PRAM1: variants seen among roughly 807,000 people sequenced by gnomAD.
The protein encoded by PRAM1 is PML-RARA-regulated adapter molecule 1.
Under a neutral mutation model 55.3 loss-of-function variants are expected in PRAM1, and 41 were observed. The ratio of observed to expected loss-of-function variants is 0.74; its 90% CI spans 0.58 to 0.96. PRAM1 has a LOEUF of 0.96. Among genes scored for constraint, PRAM1 ranks in the 40% least tolerant of loss-of-function variants. The pLI, the probability that PRAM1 is intolerant of heterozygous loss-of-function variation, is 0.00. For missense variants in PRAM1, 898 were observed against 892.7 expected (o/e 1.01, Z -0.08); for synonymous variants, 401 against 387.1 (o/e 1.04, Z -0.42).
rs1472346901 is a variant in PRAM1, at chr19:8,490,112, T to G, written c.*77A>C. 4 of 1,402,448 alleles carry G rather than the reference T, an allele frequency of 2.9e-6. No homozygotes were observed. The South Asian group carries it at 5.8e-5, about 20-fold the overall frequency. The allele number at this position is 1,402,448 out of a possible 1,614,324, so 86.9% of individuals were successfully genotyped here. A position where few individuals can be genotyped will look rare whatever the true frequency, so the allele number is the denominator to read the frequency against. On this transcript the variant is annotated 3_prime_UTR_variant, in exon 10 of 10. Coordinates refer to ENST00000423345, the MANE Select transcript of PRAM1 (RefSeq NM_032152.5). The surrounding 1 kb of genome is among the most constrained non-coding windows in gnomAD (Gnocchi z 7.3). ...ACAAGCCCAGGCAGCTCTGTGACTT[T>G]CCCGCGCCGGGATCCAGGGCTCCTG...
rs1212576390 is a variant in PRAM1 at position 8,490,283 on chromosome 19, A to G, written c.1975+55T>C. On this transcript the variant is annotated intron_variant, in intron 9 of 9. Coordinates refer to ENST00000423345, the MANE Select transcript of PRAM1 (RefSeq NM_032152.5). The surrounding 1 kb of genome is among the most constrained non-coding windows in gnomAD (Gnocchi z 7.3). ...TCTCCCCAGAAGCCCAATAGTGAGC[A>G]GCGCCCCCGGGGAATCGCCAGGGTC... 1 of 1,613,572 alleles carries G rather than the reference A, an allele frequency of 6.2e-7. No homozygotes were observed. Among genetic ancestry groups the G allele is most frequent in the Non-Finnish European group, 8.5e-7 (1 of 1,179,704 alleles).
At position 8,491,038 on chromosome 19, in the gene PRAM1, G is replaced by A. The variant is rs777626234; in HGVS notation, c.1635-43C>T. ...GGAATTGTGTGCTCGTGAGCAAGTT[G>A]TGCTCCTCTGGGGGTTCCTGGAGCT... On this transcript the variant is annotated intron_variant, in intron 5 of 9. Transcript: ENST00000423345. The A allele has an allele frequency of 5.6e-6, 9 of 1,612,106 alleles. No homozygotes were observed. The Admixed American group carries it at 1.5e-4, about 27-fold the overall frequency.
At chr19:8,502,457 ACCCCCCGCCCCCCCGCCCGCCCCT>A in intron 1 of PRAM1, 84 bp downstream of exon 1, 2 of 469,352 alleles carry the variant, frequency 4.3e-6, no homozygotes, top group East Asian at 1.0e-4. Context: ...TTTCGCAGCC[ACCCCCCGCCCCCCCGCCCGCCCCT>A]CCACAGGTGG....
chr19:8,500,847 T>C (rs56727053), intron 1 of PRAM1, among the ~76,000 whole-genome samples: 6,978 of 151,990 alleles, frequency 0.046, 551 homozygotes, highest in African/African-American at 0.16. Flanking sequence ...CTCACTGCAA[T>C]CTCCACTTCC....
chr19:8,499,292 TTCG>T lies in PRAM1; in HGVS notation c.513_515del (p.Asp171del). 2 of 1,608,340 alleles carry T rather than the reference TTCG, an allele frequency of 1.2e-6. No individual in the cohort carries two copies. The highest frequency in any genetic ancestry group is 2.2e-5 in the South Asian group (2 of 90,826). ...AGGGGGGTCTGGCGGGGTGACTGAG[TTCG>T]TCGGGCTGCAGGGGTTTCCGGGCCG... On this transcript the variant is annotated inframe_deletion, in exon 2 of 10. Transcript: ENST00000423345.
intron 4 of PRAM1, among the ~76,000 whole-genome samples, chr19:8,492,286 C>T (rs560371004): frequency 1.3e-4 from 19 of 143,184 alleles, no homozygotes; most frequent in Admixed American, 7.9e-4. Context: ...GACGGAGTTT[C>T]ATTCTTGTTG....
Position 8,499,195 on chromosome 19 carries a change from G to A in PRAM1, c.613C>T (p.Pro205Ser), listed in dbSNP as rs1463930197. The part of the protein sequence containing the change: ...PEAGEATPRS[P>S]QPELSTFPKK... Reference sequence around the variant, plus strand: ...GGAAAGGTACTCAACTCAGGCTGCGGGGACCTCGGGGTAGCCTCACCGGCC... The same window carrying A: ...GGAAAGGTACTCAACTCAGGCTGCGAGGACCTCGGGGTAGCCTCACCGGCC... The change falls in exon 2 of 10, where the codon CCG becomes TCG. Residue 205 changes from proline to serine, a missense_variant. By Grantham distance (74) the Pro-to-Ser change is moderately conservative. Coordinates refer to ENST00000423345, the MANE Select transcript of PRAM1 (RefSeq NM_032152.5). The A allele has an allele frequency of 6.2e-7, 1 of 1,613,716 alleles. No homozygotes were observed. The highest frequency in any genetic ancestry group is 8.5e-7 in the Non-Finnish European group (1 of 1,179,868).
chr19:8,490,345 G>A lies in PRAM1; in HGVS notation c.1968C>T (p.Asp656=). The A allele has an allele frequency of 2.5e-6, 4 of 1,614,002 alleles. No homozygotes were observed. The highest frequency in any genetic ancestry group is 3.4e-6 in the Non-Finnish European group (4 of 1,179,900). ...CCCAGAGTGTCCACGTACCGCAGAA[G>A]TCGACATCATCGTACACCTCCGTCT... ...PLETEVYDDV[D]FCDPLENQPL... Residue 656 remains aspartate, a synonymous_variant, in exon 9 of 10, where the codon GAC becomes GAT. Coordinates refer to ENST00000423345, the MANE Select transcript of PRAM1 (RefSeq NM_032152.5). The surrounding 1 kb of genome is among the most constrained non-coding windows in gnomAD (Gnocchi z 7.3).
At position 8,499,302 on chromosome 19, in the gene PRAM1, T is replaced by C; in HGVS notation, c.506A>G (p.Gln169Arg). 1 of 1,610,272 alleles carries C rather than the reference T, an allele frequency of 6.2e-7. No individual in the cohort carries two copies. The highest frequency in any genetic ancestry group is 8.5e-7 in the Non-Finnish European group (1 of 1,178,438). The change falls in exon 2 of 10, where the codon CAG (glutamine) becomes CGG (arginine). Residue 169 changes from glutamine (Q) to arginine (R), a missense_variant. Gln to Arg is a conservative substitution (Grantham distance 43). This residue lies in a region of PRAM1 where 787 missense variants were observed against 735.4 expected (regional missense o/e 1.07). Transcript: ENST00000423345. ...EPGAPARKPL[Q>R]PDELSHPARP... ...GGCGGGGTGACTGAGTTCGTCGGGC[T>C]GCAGGGGTTTCCGGGCCGGCGCACC... is the stretch of plus-strand genomic sequence containing the variant.
intron 4 of PRAM1, among the ~76,000 whole-genome samples, chr19:8,496,484 G>A (rs1279746311): frequency 6.6e-6 from 1 of 152,062 alleles, no homozygotes; most frequent in Non-Finnish European, 1.5e-5. Context: ...CAGCACTTGT[G>A]GAGGCTAAGG....
rs545511903 is a variant in PRAM1 at position 8,490,913 on chromosome 19, C to T, written c.1717G>A (p.Glu573Lys). 2.4e-5 allele frequency: 38 copies of T among 1,613,696 alleles called. No homozygotes were observed. The highest frequency in any genetic ancestry group is 1.8e-4 in the South Asian group (16 of 91,086). The part of the protein sequence containing the change: ...LKQLRKAEKA[E>K]REFRKKFKFE... ...TTGAACTTCTTCCGGAACTCCCTCT[C>T]GGCCTTCTCTGCCTTCCTCAGCTGC... The change falls in exon 6 of 10, where the codon GAG (glutamate) becomes AAG (lysine). Residue 573 changes from glutamate to lysine, a missense_variant. By Grantham distance (56) the Glu-to-Lys change is moderately conservative. This residue lies in a region of PRAM1 where 787 missense variants were observed against 735.4 expected (regional missense o/e 1.07). Coordinates refer to ENST00000423345, the MANE Select transcript of PRAM1 (RefSeq NM_032152.5). This position sits in a 1 kb window ranked among gnomAD's most constrained non-coding sequence, Gnocchi z 7.3.
At position 8,499,611 on chromosome 19, in the gene PRAM1, GC is replaced by G. The variant is rs1971775267; in HGVS notation, c.196del (p.Ala66GlnfsTer4). 5 of 1,600,158 alleles carry G rather than the reference GC, an allele frequency of 3.1e-6. No homozygotes were observed. The highest frequency in any genetic ancestry group is 3.0e-5 in the African/African-American group (2 of 66,858). On this transcript the variant is annotated frameshift_variant, in exon 2 of 10. Transcript: ENST00000423345. LOFTEE classifies it high-confidence loss of function. ...PKKAPLPEFG[A>X]VSLKPPPPEV... ...AGGCGGCGGGGGCTTCAAGGACACT[GC>G]ACCAAACTCAGGCAGCGGGGCCTTC...
At chr19:8,498,091 G>T in intron 3 of PRAM1, 132 bp downstream of exon 3, 1 of 976,194 alleles carries the variant, frequency 1.0e-6, no homozygotes, top group Non-Finnish European at 1.5e-6. Flanking sequence ...CGTTGGCCAG[G>T]CTGTTGTCGA....
intron 4 of PRAM1, among the ~76,000 whole-genome samples, chr19:8,492,304 T>C (rs1184708648): frequency 6.7e-6 from 1 of 148,200 alleles, no homozygotes; most frequent in Non-Finnish European, 1.5e-5. Flanking sequence ...TTGCCCAGGC[T>C]GGAGTGCAAT....
At chr19:8,491,046 C>A (rs1254370651) in intron 5 of PRAM1, 51 bp from the exon 6 acceptor site, 26 of 1,611,868 alleles carry the variant, frequency 1.6e-5, no homozygotes, top group Non-Finnish European at 2.1e-5. Context: ...TTGTGCTCCT[C>A]TGGGGGTTCC....
At chr19:8,502,382 G>C (rs1356284583) in intron 1 of PRAM1, among the ~76,000 whole-genome samples, 183 bp downstream of exon 1, 1 of 152,074 alleles carries the variant, frequency 6.6e-6, no homozygotes, top group African/African-American at 2.4e-5. Context: ...GCGCTGTCCT[G>C]GGGTGTGCCT....
rs764450830 is a variant in PRAM1, at chr19:8,490,690, C to T, written c.1810G>A (p.Gly604Ser). 10 of 1,606,624 alleles carry T rather than the reference C, an allele frequency of 6.2e-6. No homozygotes were observed. Among genetic ancestry groups the T allele is most frequent in the South Asian group, 1.1e-5 (1 of 90,126 alleles). Residue 604 changes from glycine (G) to serine (S), a missense_variant, in exon 7 of 10, where the codon GGT (glycine) becomes AGT (serine). Transcript: ENST00000423345. The surrounding 1 kb of genome is among the most constrained non-coding windows in gnomAD (Gnocchi z 7.3). ...CGCCGGATCCCGAGGTGCTTGCCAC[C>T]CCCGCGACGTGTCTTAGCGTTGGGG... is the stretch of plus-strand genomic sequence containing the variant. ...IDPNAKTRRG[G>S]GKHLGIRRGE...
chr19:8,490,987 T>A lies in PRAM1; in HGVS notation c.1643A>T (p.Lys548Met). Reference protein sequence around the residue: ...PPQDPALRKEKDPQPQQLPPM... With the variant: ...PPQDPALRKEMDPQPQQLPPM... Reference sequence around the variant, plus strand: ...TGGCAACTGCTGTGGCTGGGGATCCTTCTCCTTCCTGATAGCCCCCACCAA... The same window carrying A: ...TGGCAACTGCTGTGGCTGGGGATCCATCTCCTTCCTGATAGCCCCCACCAA... The change falls in exon 6 of 10, where the codon AAG (lysine) becomes ATG (methionine). Residue 548 changes from lysine to methionine, a missense_variant. By Grantham distance (95) the Lys-to-Met change is moderately conservative. Coordinates refer to ENST00000423345, the MANE Select transcript of PRAM1 (RefSeq NM_032152.5). The surrounding 1 kb of genome is among the most constrained non-coding windows in gnomAD (Gnocchi z 7.3). 6.2e-7 allele frequency: 1 copy of A among 1,613,232 alleles called. No individual in the cohort carries two copies. The highest frequency in any genetic ancestry group is 8.5e-7 in the Non-Finnish European group (1 of 1,179,866).
chr19:8,493,550 C>T lies in PRAM1; in HGVS notation c.1577-2393G>A, dbSNP rs781125576. ...AGCTGACCCAGAGCAGGCCTCTGCC[C>T]GCCTTCCCCGCATGGCCAGCTCAGA... On this transcript the variant is annotated intron_variant, in intron 4 of 9. Transcript: ENST00000423345. The surrounding 1 kb of genome is among the most constrained non-coding windows in gnomAD (Gnocchi z 4.1). Among the ~76,000 whole-genome samples, 10 of 150,936 alleles carry T rather than the reference C, an allele frequency of 6.6e-5. No individual in the cohort carries two copies. The highest frequency in any genetic ancestry group is 1.2e-4 in the Non-Finnish European group (8 of 68,028).
Sources: gnomAD v4.1 joint callset for allele counts (sites outside exome capture counted in the v4.1 genomes callset) on GRCh38, gnomAD v4.1.1 for gene constraint, gnomAD v4.1.1 regional missense constraint, Gnocchi (gnomAD v3.1) non-coding constraint, MANE v1.5 for transcripts, NCBI Gene and HGNC (gene_info 2026-07-23, HGNC 2026-07-21) for gene names.